The following ESF1 variants were observed in gnomAD, a reference collection of about 807,000 sequenced individuals.
The protein encoded by ESF1 is ESF1 homolog.
ESF1 carries 58 observed loss-of-function variants against 92.0 expected under a neutral mutation model. That is an observed-to-expected ratio of 0.63 (90% confidence interval 0.51 to 0.78). The LOEUF (loss-of-function observed/expected upper bound fraction) is 0.78. Among genes scored for constraint, ESF1 ranks in the 30% least tolerant of loss-of-function variants. The pLI is 0.00. For missense variants in ESF1, 922 were observed against 989.1 expected (o/e 0.93, Z 0.91); for synonymous variants, 321 against 313.7 (o/e 1.02, Z -0.24).
chr20:13,777,438 C>G (rs966409184), intron 2 of ESF1, among the ~76,000 whole-genome samples: 1 of 152,224 alleles, frequency 6.6e-6, no homozygotes, highest in East Asian at 1.9e-4. Flanking sequence ...ATGTTGAATA[C>G]GAAGTGCCAC....
chr20:13,715,109 T>C lies in ESF1; in HGVS notation c.2321A>G (p.Asp774Gly). The C allele has an allele frequency of 6.2e-7, 1 of 1,613,206 alleles. No homozygotes were observed. Among genetic ancestry groups the C allele is most frequent in the South Asian group, 1.1e-5 (1 of 90,962 alleles). The change falls in exon 14 of 14, where the codon GAC (aspartate) becomes GGC (glycine). Residue 774 changes from aspartate to glycine, a missense_variant. Physicochemically the swap from Asp to Gly is moderately conservative, Grantham distance 94 (BLOSUM62 -1). Transcript: ENST00000617257. The stretch of plus-strand genomic sequence containing the variant: ...TTTCTTGAAATTGGGATCTGAGGGG[T>C]CCAAATTGAACAAGTGGGAAGTGTA... ...AMYTSHLFNL[D>G]PSDPNFKKTK...
At chr20:13,747,232 A>T (rs2147746764) in intron 9 of ESF1, among the ~76,000 whole-genome samples, 1 of 150,088 alleles carries the variant, frequency 6.7e-6, no homozygotes, top group African/African-American at 2.5e-5. Context: ...TATTTGAAAG[A>T]GTATACCAGA....
intron 9 of ESF1, among the ~76,000 whole-genome samples, chr20:13,757,700 G>A (rs980503874): frequency 1.3e-5 from 2 of 152,046 alleles, no homozygotes; most frequent in African/African-American, 2.4e-5. Context: ...CCCTGTGCCC[G>A]GTTTCATAAT....
Position 13,775,199 on chromosome 20 carries a change from G to C in ESF1, c.1107C>G (p.Phe369Leu). 1 of 1,610,256 alleles carries C rather than the reference G, an allele frequency of 6.2e-7. No homozygotes were observed. Among genetic ancestry groups the C allele is most frequent in the Non-Finnish European group, 8.5e-7 (1 of 1,178,864 alleles). ...RLKAKDLLAL[F>L]NSFKPKGGVI... ...CACCTCCTTTGGGTTTAAATGAATTGAACAGAGCCAGCAAATCTTTTGCCT... is the reference window on the plus strand; with the variant it reads ...CACCTCCTTTGGGTTTAAATGAATTCAACAGAGCCAGCAAATCTTTTGCCT... Residue 369 changes from phenylalanine to leucine, a missense_variant, in exon 4 of 14, where the codon TTC (phenylalanine) becomes TTG (leucine). Physicochemically the swap from Phe to Leu is conservative, Grantham distance 22 (BLOSUM62 0). Coordinates refer to ENST00000617257, the MANE Select transcript of ESF1 (RefSeq NM_001276380.2).
At chr20:13,757,331 A>G (rs946654115) in intron 9 of ESF1, among the ~76,000 whole-genome samples, 1 of 152,246 alleles carries the variant, frequency 6.6e-6, no homozygotes, top group African/African-American at 2.4e-5. Flanking sequence ...AGCAATGCTT[A>G]TAACTTCCAG....
chr20:13,783,717 A>T (rs1405104491), intron 1 of ESF1, among the ~76,000 whole-genome samples: 1 of 152,204 alleles, frequency 6.6e-6, no homozygotes, highest in Non-Finnish European at 1.5e-5. Context: ...TTGGAGGCTA[A>T]GGCAAGAGGA....
chr20:13,718,777 T>C (rs951888274), intron 12 of ESF1, 131 bp downstream of exon 12: 6 of 463,538 alleles, frequency 1.3e-5, no homozygotes, highest in Non-Finnish European at 2.1e-5. Flanking sequence ...TATTTAATTA[T>C]GTCTCTTACA....
intron 10 of ESF1, among the ~76,000 whole-genome samples, chr20:13,731,404 C>T (rs996282075): frequency 2.6e-5 from 4 of 151,756 alleles, no homozygotes; most frequent in Admixed American, 2.0e-4. Flanking sequence ...TGGTGGCGGG[C>T]GCCTGTAGTC....
chr20:13,723,881 C>T (rs911954543), intron 11 of ESF1, among the ~76,000 whole-genome samples: 4 of 152,218 alleles, frequency 2.6e-5, no homozygotes, highest in Non-Finnish European at 5.9e-5. Context: ...CTATATTTTA[C>T]TTCCACCAGG....
chr20:13,747,450 T>A (rs972467923), intron 9 of ESF1, among the ~76,000 whole-genome samples: 28 of 151,972 alleles, frequency 1.8e-4, no homozygotes, highest in African/African-American at 6.7e-4. Flanking sequence ...TCCCAGCTAC[T>A]CGTGAGGCAG....
rs969736266 is a variant in ESF1 at position 13,747,431 on chromosome 20, C to T, written c.1828+12261G>A. Among the ~76,000 whole-genome samples the T allele has an allele frequency of 7.3e-5, 11 of 151,720 alleles. No individual in the cohort carries two copies. The East Asian group carries it at 1.2e-3, about 16-fold the overall frequency. ...AAAATTAGCTGGGCGTGGTGGTGCA[C>T]ACCTGTAGTCCCAGCTACTCGTGAG... On this transcript the variant is annotated intron_variant, in intron 9 of 13. Transcript: ENST00000617257.
intron 9 of ESF1, among the ~76,000 whole-genome samples, chr20:13,747,598 A>G (rs1379270775): frequency 6.6e-6 from 1 of 151,518 alleles, no homozygotes; most frequent in African/African-American, 2.4e-5. Flanking sequence ...GTCTCGAAAA[A>G]AAAAAAAAGA....
chr20:13,726,809 T>C (rs1348708572), intron 11 of ESF1, among the ~76,000 whole-genome samples: 1 of 150,968 alleles, frequency 6.6e-6, no homozygotes, highest in Non-Finnish European at 1.5e-5. Context: ...TGTAAAAAAT[T>C]CTGGCCTTGC....
intron 2 of ESF1, among the ~76,000 whole-genome samples, chr20:13,777,487 C>T (rs941635448): frequency 6.6e-6 from 1 of 152,144 alleles, no homozygotes; most frequent in African/African-American, 2.4e-5. Flanking sequence ...TAAGAGTGTA[C>T]AGCTCAGAGA....
chr20:13,725,559 C>T (rs1311274925), intron 11 of ESF1, among the ~76,000 whole-genome samples: 1 of 152,190 alleles, frequency 6.6e-6, no homozygotes, highest in African/African-American at 2.4e-5. Context: ...TGAGCCACTA[C>T]ATTAATACTG....
intron 11 of ESF1, among the ~76,000 whole-genome samples, chr20:13,720,306 T>C (rs771090590): frequency 6.6e-6 from 1 of 152,158 alleles, no homozygotes; most frequent in African/African-American, 2.4e-5. Flanking sequence ...AGCCTTTTGT[T>C]TGACCACCTA....
rs1980273557 is a variant in ESF1 at position 13,782,857 on chromosome 20, T to C, written c.284A>G (p.Lys95Arg). 4 of 1,603,748 alleles carry C rather than the reference T, an allele frequency of 2.5e-6. No individual in the cohort carries two copies. Among genetic ancestry groups the C allele is most frequent in the Middle Eastern group, 1.7e-4 (1 of 6,002 alleles). The change falls in exon 2 of 14, where the codon AAG (lysine) becomes AGG (arginine). Residue 95 changes from lysine to arginine, a missense_variant. By Grantham distance (26) the Lys-to-Arg change is conservative. Coordinates refer to ENST00000617257, the MANE Select transcript of ESF1 (RefSeq NM_001276380.2). ...TTTTTTAGTCTGGGTTTTTTTCTTC[T>C]TTATTTTCTTTTGACTCAATGCTTT... ...DSKALSQKKI[K>R]KKKTQTKKEI... is the part of the protein sequence containing the mutation.
In ESF1 at chr20:13,782,629, T is replaced by C. The variant is rs761892537; in HGVS notation, c.512A>G (p.Asn171Ser). Residue 171 changes from asparagine (N) to serine (S), a missense_variant, in exon 2 of 14, where the codon AAC becomes AGC. Transcript: ENST00000617257. ...AGAGTCTGTAGTATGTTGAACAATG[T>C]TTTTTTTCTCTTTCTTATTTTTTTG... ...FTQKNKKEKK[N>S]IVQHTTDSSL... The C allele has an allele frequency of 7.5e-6, 12 of 1,607,072 alleles. No homozygotes were observed. Among genetic ancestry groups the C allele is most frequent in the South Asian group, 6.8e-5 (6 of 88,556 alleles).
chr20:13,759,432 A>G (rs1438568386), intron 9 of ESF1, among the ~76,000 whole-genome samples: 1 of 152,172 alleles, frequency 6.6e-6, no homozygotes, highest in East Asian at 1.9e-4. Context: ...TCAAGTTTCT[A>G]TATCTTGAGA....
Sources: gnomAD v4.1 joint callset for allele counts (sites outside exome capture counted in the v4.1 genomes callset) on GRCh38, gnomAD v4.1.1 for gene constraint, MANE v1.5 for transcripts, NCBI Gene and HGNC (gene_info 2026-07-23, HGNC 2026-07-21) for gene names.